Variants in TBCEL observed in about 807,000 individuals in gnomAD.
TBCEL encodes tubulin folding cofactor E like.
A neutral mutation model predicts 44.2 loss-of-function variants in TBCEL; 15 were observed. That is an observed-to-expected ratio of 0.34 (90% CI 0.23 to 0.52). The LOEUF is 0.52. Ranked by LOEUF, TBCEL falls within the 20% of genes least tolerant of loss-of-function variation. The probability of loss-of-function intolerance (pLI) is 0.95; values close to 1 mark genes in which losing one functional copy is unlikely to be tolerated. For missense variants in TBCEL, 319 were observed against 506.3 expected, an observed-to-expected ratio of 0.63 and a Z score of 3.55; for synonymous variants, 171 against 185.4, an observed-to-expected ratio of 0.92 and a Z score of 0.63.
In TBCEL at chr11:121,090,445, T is replaced by A. The variant is rs182425755; in HGVS notation, c.*3349T>A. ...TGTCATTTCGGTTTGTGAATTTGAT[T>A]TTTCCCTTCATTTCATGTCATATTG... On this transcript the variant is annotated 3_prime_UTR_variant, in exon 9 of 9. Coordinates refer to ENST00000683345, the MANE Select transcript of TBCEL (RefSeq NM_001363644.2). The A allele has an allele frequency of 8.9e-4, 135 of 152,210 alleles. No individual in the cohort carries two copies. The highest frequency in any genetic ancestry group is 3.2e-3 in the African/African-American group (131 of 41,532). The allele number at this position is 152,210 out of a possible 1,614,324, so 9.4% of individuals were successfully genotyped here.
At chr11:121,053,766 T>C (rs771811788) in intron 5 of TBCEL, 34 bp downstream of exon 5, 3 of 1,603,196 alleles carry the variant, frequency 1.9e-6, no homozygotes, top group Admixed American at 3.4e-5. Flanking sequence ...GAGGGAGTTA[T>C]GTTGCCATCT....
chr11:121,070,536 A>C (rs1271059525), intron 8 of TBCEL, among the ~76,000 whole-genome samples: 1 of 152,222 alleles, frequency 6.6e-6, no homozygotes, highest in East Asian at 1.9e-4. Flanking sequence ...AAAAAGGATG[A>C]GTTCATGTCC....
intron 6 of TBCEL, among the ~76,000 whole-genome samples, chr11:121,055,745 C>G (rs1275469677): frequency 2.0e-5 from 3 of 151,748 alleles, no homozygotes; most frequent in Non-Finnish European, 4.4e-5. Context: ...TCCTGTGTAT[C>G]ACAGGAATGA....
At chr11:121,045,287 A>T (rs1749425034) in intron 2 of TBCEL, among the ~76,000 whole-genome samples, 1 of 152,136 alleles carries the variant, frequency 6.6e-6, no homozygotes. Flanking sequence ...ATATTAAAGG[A>T]TTCATCCAAA....
chr11:121,082,808 A>T (rs1314811584), intron 8 of TBCEL, among the ~76,000 whole-genome samples: 2 of 152,210 alleles, frequency 1.3e-5, no homozygotes, highest in African/African-American at 4.8e-5. Flanking sequence ...CACCAAGGGC[A>T]CTGCGCACCT....
chr11:121,052,042 C>T (rs932702698), intron 4 of TBCEL, among the ~76,000 whole-genome samples: 7 of 151,900 alleles, frequency 4.6e-5, no homozygotes, highest in African/African-American at 1.7e-4. Context: ...GCTTGTCCCA[C>T]CTATGAAGCT....
intron 8 of TBCEL, 91 bp from the exon 9 acceptor site, chr11:121,086,687 C>G (rs1946223101): frequency 2.2e-6 from 2 of 929,602 alleles, no homozygotes; most frequent in Non-Finnish European, 3.2e-6. Flanking sequence ...AGATGTTGAG[C>G]CTAGTAATAT....
At chr11:121,060,181 CCTTCTTAGAGAA>C in intron 8 of TBCEL, 96 bp downstream of exon 8, 1 of 799,578 alleles carries the variant, frequency 1.3e-6, no homozygotes, top group Non-Finnish European at 2.1e-6. Flanking sequence ...GTTATTGGAC[CCTTCTTAGAGAA>C]CTTTGTTAAT....
At chr11:121,065,365 G>A (rs1287373851) in intron 8 of TBCEL, among the ~76,000 whole-genome samples, 2 of 152,090 alleles carry the variant, frequency 1.3e-5, no homozygotes, top group Admixed American at 6.5e-5. Context: ...AGCAAGGGGG[G>A]CCTAAGTGAG....
In TBCEL at chr11:121,089,920, C is replaced by G. The variant is rs1285632924; in HGVS notation, c.*2824C>G. 1 of 152,118 alleles carries G rather than the reference C, an allele frequency of 6.6e-6. No homozygotes were observed. The highest frequency in any genetic ancestry group is 3.2e-3 in the Middle Eastern group (1 of 316). 9.4% of individuals were successfully genotyped at this position (152,118 alleles called of 1,614,324 possible). On this transcript the variant is annotated 3_prime_UTR_variant, in exon 9 of 9. Transcript: ENST00000683345. Reference sequence around the variant, plus strand: ...CCAAATCAAAACCAAGGGATCCTTTCTACATGTGGGTGAACGGCTGCTAAA... The same window carrying G: ...CCAAATCAAAACCAAGGGATCCTTTGTACATGTGGGTGAACGGCTGCTAAA...
intron 3 of TBCEL, 87 bp downstream of exon 3, chr11:121,045,910 AT>A: frequency 7.4e-7 from 1 of 1,349,276 alleles, no homozygotes; most frequent in Non-Finnish European, 9.7e-7. Context: ...CAAATGATTT[AT>A]TTTATTTTTA....
intron 4 of TBCEL, among the ~76,000 whole-genome samples, chr11:121,052,636 G>A (rs1005249935): frequency 6.6e-6 from 1 of 151,766 alleles, no homozygotes; most frequent in Non-Finnish European, 1.5e-5. Flanking sequence ...CTCGCAGATT[G>A]TGCCAACTAG....
chr11:121,040,202 G>A (rs777163841), intron 2 of TBCEL, among the ~76,000 whole-genome samples: 4 of 152,070 alleles, frequency 2.6e-5, no homozygotes, highest in African/African-American at 7.2e-5. Context: ...TGACAGAGAG[G>A]CCTGAATCTC....
intron 1 of TBCEL, among the ~76,000 whole-genome samples, chr11:121,024,616 A>G (rs768694171): frequency 6.6e-6 from 1 of 152,096 alleles, no homozygotes; most frequent in Non-Finnish European, 1.5e-5. Context: ...GGGAGAATCT[A>G]GGCGTCTCAC....
At chr11:121,079,500 A>G (rs1040933900) in intron 8 of TBCEL, among the ~76,000 whole-genome samples, 12 of 152,182 alleles carry the variant, frequency 7.9e-5, no homozygotes, top group African/African-American at 1.4e-4. Context: ...TTCACTAGCT[A>G]TGAGGCTTTG....
intron 5 of TBCEL, among the ~76,000 whole-genome samples, chr11:121,053,977 C>T (rs1945573902): frequency 6.6e-6 from 1 of 151,674 alleles, no homozygotes; most frequent in African/African-American, 2.4e-5. Flanking sequence ...GAAAATACCC[C>T]TGAGAAGCAC....
chr11:121,046,504 T>G (rs1057229673), intron 3 of TBCEL, among the ~76,000 whole-genome samples: 1 of 152,100 alleles, frequency 6.6e-6, no homozygotes, highest in Non-Finnish European at 1.5e-5. Context: ...CAAAGGTTAC[T>G]GAGTGTTTGC....
chr11:121,054,589 C>T (rs1945587463), intron 5 of TBCEL, among the ~76,000 whole-genome samples: 1 of 151,922 alleles, frequency 6.6e-6, no homozygotes, highest in South Asian at 2.1e-4. Flanking sequence ...GGGTCTGACA[C>T]AGGGTAGGGA....
Position 121,087,132 on chromosome 11 carries a change from A to C in TBCEL, c.*36A>C. The C allele has an allele frequency of 1.3e-6, 2 of 1,565,694 alleles. No individual in the cohort carries two copies. The highest frequency in any genetic ancestry group is 1.7e-6 in the Non-Finnish European group (2 of 1,154,726). On this transcript the variant is annotated 3_prime_UTR_variant, in exon 9 of 9. Transcript: ENST00000683345. ...CCTTGTGAAAAACATACACATAAGGACTTGTTGCAGGGCATTTGTTTTTAA... is the reference window on the plus strand; with the variant it reads ...CCTTGTGAAAAACATACACATAAGGCCTTGTTGCAGGGCATTTGTTTTTAA...
Sources: allele counts gnomAD v4.1 joint callset (sites outside exome capture counted in the v4.1 genomes callset), GRCh38; gene constraint gnomAD v4.1.1; transcripts MANE v1.5; gene names NCBI Gene and HGNC (gene_info 2026-07-23, HGNC 2026-07-21).